GPC6: variants seen among roughly 807,000 people sequenced by gnomAD.
GPC6 encodes the protein glypican-6.
Under a neutral mutation model 55.2 loss-of-function variants are expected in GPC6, and 14 were observed. The ratio of observed to expected loss-of-function variants is 0.25; its 90% CI spans 0.17 to 0.40. The LOEUF (loss-of-function observed/expected upper bound fraction) is 0.40. Ranked by LOEUF, GPC6 falls within the 10% of genes least tolerant of loss-of-function variation. The pLI is 1.00. For missense variants in GPC6, 641 were observed against 708.5 expected (o/e 0.90, Z 1.08); for synonymous variants, 278 against 259.6 (o/e 1.07, Z -0.68).
intron 4 of GPC6, among the ~76,000 whole-genome samples, chr13:94,246,730 A>C (rs958172961): frequency 9.2e-5 from 14 of 152,028 alleles, no homozygotes; most frequent in Non-Finnish European, 1.9e-4. Flanking sequence ...GTCTGTTTTC[A>C]TGTCAGTGCC....
At chr13:93,454,129 G>A (rs1265919924) in intron 1 of GPC6, among the ~76,000 whole-genome samples, 1 of 151,842 alleles carries the variant, frequency 6.6e-6, no homozygotes, top group Non-Finnish European at 1.5e-5. Context: ...AGTGTGGATT[G>A]GTGCATTCAC....
At chr13:94,148,000 C>T (rs1334192004) in intron 4 of GPC6, among the ~76,000 whole-genome samples, 2 of 152,132 alleles carry the variant, frequency 1.3e-5, no homozygotes, top group African/African-American at 4.8e-5. Flanking sequence ...GAGCAGAGCA[C>T]CTTGAGACCA....
intron 4 of GPC6, among the ~76,000 whole-genome samples, chr13:94,211,964 T>A (rs1299426633): frequency 6.6e-6 from 1 of 152,178 alleles, no homozygotes; most frequent in African/African-American, 2.4e-5. Context: ...GGGGGCTAAT[T>A]AACGATGTCT....
At chr13:94,013,247 T>C (rs1882321559) in intron 3 of GPC6, among the ~76,000 whole-genome samples, 1 of 152,174 alleles carries the variant, frequency 6.6e-6, no homozygotes, top group South Asian at 2.1e-4. Flanking sequence ...TGTCCGTTTA[T>C]AATTTAAATG....
At chr13:94,068,649 G>A (rs933863534) in intron 4 of GPC6, among the ~76,000 whole-genome samples, 1 of 152,186 alleles carries the variant, frequency 6.6e-6, no homozygotes, top group Non-Finnish European at 1.5e-5. Flanking sequence ...TACAGGTATT[G>A]GGTAAATACG....
chr13:94,109,559 A>G (rs1039670645), intron 4 of GPC6, among the ~76,000 whole-genome samples: 3 of 152,162 alleles, frequency 2.0e-5, no homozygotes, highest in Non-Finnish European at 4.4e-5. Context: ...GAGAAGAAAA[A>G]CAAACGTCTT....
intron 4 of GPC6, among the ~76,000 whole-genome samples, chr13:94,133,161 A>G (rs1471340278): frequency 6.7e-6 from 1 of 150,194 alleles, no homozygotes; most frequent in Non-Finnish European, 1.5e-5. Context: ...CTGCACTAAG[A>G]AAAAAGATAG....
At chr13:93,616,219 C>T (rs1383063791) in intron 2 of GPC6, among the ~76,000 whole-genome samples, 1 of 151,956 alleles carries the variant, frequency 6.6e-6, no homozygotes, top group Non-Finnish European at 1.5e-5. Context: ...CTAACTAGCA[C>T]ATTCAAAATA....
intron 1 of GPC6, among the ~76,000 whole-genome samples, chr13:93,418,621 A>T (rs1004115298): frequency 6.6e-6 from 1 of 151,314 alleles, no homozygotes; most frequent in Admixed American, 6.6e-5. Flanking sequence ...GTATCATTTT[A>T]TTAATAGCGC....
At chr13:93,561,660 A>G (rs1434642767) in intron 2 of GPC6, among the ~76,000 whole-genome samples, 1 of 151,978 alleles carries the variant, frequency 6.6e-6, no homozygotes. Flanking sequence ...CTGGGTGCTC[A>G]TTGATAACTT....
rs191589284 is a variant in GPC6, at chr13:94,303,541, C to A, written c.1009-2439C>A. On this transcript the variant is annotated intron_variant, in intron 5 of 8. Coordinates refer to ENST00000377047, the MANE Select transcript of GPC6 (RefSeq NM_005708.5). ...GATAGGATCTCTGTTTAGGGGCTTT[C>A]AAGATGTGAGGTTGTTGTGACAGAT... Among the ~76,000 whole-genome samples, 234 of 152,238 alleles carry A rather than the reference C, an allele frequency of 1.5e-3. 2 individuals are homozygous for A. The highest frequency in any genetic ancestry group is 5.3e-3 in the African/African-American group (222 of 41,548).
At chr13:93,653,575 CGTGTGTGTGT>C (rs55845007) in intron 2 of GPC6, among the ~76,000 whole-genome samples, 7,012 of 145,724 alleles carry the variant, frequency 0.048, 547 homozygotes, top group African/African-American at 0.17. Context: ...AGTATATGGC[CGTGTGTGTGT>C]GTGTGTGTGT....
intron 1 of GPC6, among the ~76,000 whole-genome samples, chr13:93,432,326 A>G (rs1179101253): frequency 1.3e-5 from 2 of 152,168 alleles, no homozygotes; most frequent in African/African-American, 2.4e-5. Context: ...GGTGAGAAAC[A>G]TAATAAAGGT....
At chr13:93,439,140 A>C (rs1475953204) in intron 1 of GPC6, among the ~76,000 whole-genome samples, 2 of 152,202 alleles carry the variant, frequency 1.3e-5, no homozygotes, top group African/African-American at 2.4e-5. Context: ...CATATCTTAT[A>C]TGCATTGAGA....
intron 3 of GPC6, among the ~76,000 whole-genome samples, chr13:94,015,103 A>T (rs1346031561): frequency 6.6e-6 from 1 of 152,194 alleles, no homozygotes; most frequent in Non-Finnish European, 1.5e-5. Flanking sequence ...TCTTTTGAGG[A>T]ACTGCCAAAC....
intron 1 of GPC6, among the ~76,000 whole-genome samples, chr13:93,490,164 GT>G (rs1332503161): frequency 6.6e-6 from 1 of 151,470 alleles, no homozygotes; most frequent in African/African-American, 2.4e-5. Flanking sequence ...TTTATTGAGA[GT>G]TTTTAGCACG....
intron 4 of GPC6, among the ~76,000 whole-genome samples, chr13:94,036,108 G>T (rs924564223): frequency 6.6e-6 from 1 of 152,004 alleles, no homozygotes; most frequent in Non-Finnish European, 1.5e-5. Flanking sequence ...TCTAAAGAGG[G>T]AGTGGGTATA....
chr13:93,471,932 G>T (rs865943314), intron 1 of GPC6, among the ~76,000 whole-genome samples: 2 of 152,128 alleles, frequency 1.3e-5, no homozygotes, highest in Non-Finnish European at 2.9e-5. Flanking sequence ...GTTCTTGCTG[G>T]CTCTTTATCT....
intron 4 of GPC6, among the ~76,000 whole-genome samples, chr13:94,123,993 C>T (rs1566436231): frequency 6.6e-6 from 1 of 151,838 alleles, no homozygotes; most frequent in Non-Finnish European, 1.5e-5. Flanking sequence ...TCCTGAATTA[C>T]TGAAGTAAAT....
Sources: gnomAD v4.1 joint callset for allele counts (sites outside exome capture counted in the v4.1 genomes callset) on GRCh38, gnomAD v4.1.1 for gene constraint, MANE v1.5 for transcripts, NCBI Gene and HGNC (gene_info 2026-07-23, HGNC 2026-07-21) for gene names.